Variants in PALLD observed in about 807,000 individuals in gnomAD.
PALLD encodes the protein palladin, cytoskeletal associated protein.
PALLD carries 61 observed loss-of-function variants against 123.5 expected under a neutral mutation model. The ratio of observed to expected loss-of-function variants is 0.49; its 90% confidence interval spans 0.40 to 0.61. PALLD has a LOEUF of 0.61. Ranked by LOEUF, PALLD falls within the 20% of genes least tolerant of loss-of-function variation. The pLI is 0.00. For synonymous variants in PALLD, 465 were observed against 496.4 expected, an observed-to-expected ratio of 0.94 and a Z score of 0.84; for missense variants, 1,273 against 1,377.0, an observed-to-expected ratio of 0.92 and a Z score of 1.20.
chr4:168,688,698 A>G (rs1782321791), intron 6 of PALLD, among the ~76,000 whole-genome samples: 1 of 152,236 alleles, frequency 6.6e-6, no homozygotes, highest in Admixed American at 6.5e-5. Flanking sequence ...CCAAATGGCA[A>G]TCCTGGAATA....
chr4:168,536,367 G>GC (rs1765085406), intron 2 of PALLD, among the ~76,000 whole-genome samples: 1 of 152,202 alleles, frequency 6.6e-6, no homozygotes, highest in Non-Finnish European at 1.5e-5. Context: ...AAGGCATTAA[G>GC]CCACAGAGCA....
chr4:168,530,083 T>G (rs1462331214), intron 2 of PALLD, among the ~76,000 whole-genome samples: 1 of 152,234 alleles, frequency 6.6e-6, no homozygotes, highest in African/African-American at 2.4e-5. Flanking sequence ...TTAGAAGTTT[T>G]TGAGGATTTA....
intron 10 of PALLD, among the ~76,000 whole-genome samples, chr4:168,828,487 TTAGA>T (rs1369249050): frequency 3.9e-5 from 6 of 152,334 alleles, no homozygotes; most frequent in East Asian, 1.9e-4. Context: ...CCGTCAGTAG[TTAGA>T]TAGATCAATC....
chr4:168,611,797 T>G (rs552808515), intron 2 of PALLD, among the ~76,000 whole-genome samples: 1 of 152,196 alleles, frequency 6.6e-6, no homozygotes, highest in Non-Finnish European at 1.5e-5. Context: ...AAAGCCTGCT[T>G]GATTCTCTGT....
intron 10 of PALLD, among the ~76,000 whole-genome samples, chr4:168,827,222 T>A (rs936440569): frequency 6.6e-6 from 1 of 152,226 alleles, no homozygotes; most frequent in Non-Finnish European, 1.5e-5. Context: ...TCTTTACCAA[T>A]AGGATAGATG....
intron 10 of PALLD, among the ~76,000 whole-genome samples, chr4:168,789,476 G>A (rs1737198827): frequency 6.6e-6 from 1 of 152,192 alleles, no homozygotes; most frequent in African/African-American, 2.4e-5. Flanking sequence ...GGAGGCCGAG[G>A]CAGGCGGATC....
At chr4:168,555,464 C>T (rs377502042) in intron 2 of PALLD, among the ~76,000 whole-genome samples, 137 of 152,264 alleles carry the variant, frequency 9.0e-4, no homozygotes, top group African/African-American at 3.1e-3. Context: ...AGCACCGCAG[C>T]GAGCCCTCTG....
At position 168,752,406 on chromosome 4, in the gene PALLD, T is replaced by C. The variant is rs142621800; in HGVS notation, c.1964+40483T>C. Among the ~76,000 whole-genome samples, 1,028 of 152,320 alleles carry C rather than the reference T, an allele frequency of 6.7e-3. 12 individuals carry two copies. The highest frequency in any genetic ancestry group is 0.023 in the African/African-American group (970 of 41,582). On this transcript the variant is annotated intron_variant, in intron 10 of 21. Coordinates refer to ENST00000505667, the MANE Select transcript of PALLD (RefSeq NM_001166108.2). ...CAAAAAGTCTATTTCTTAAATACCA[T>C]GCTAGAGTTATGTTCATTCCTTGCA... is the stretch of plus-strand genomic sequence containing the variant.
At chr4:168,792,596 T>G (rs956066461) in intron 10 of PALLD, among the ~76,000 whole-genome samples, 3 of 151,654 alleles carry the variant, frequency 2.0e-5, no homozygotes, top group Non-Finnish European at 4.4e-5. Flanking sequence ...CCCACAAAAG[T>G]AACCCAAACA....
chr4:168,831,224 T>A lies in PALLD; in HGVS notation c.1965-59698T>A, dbSNP rs559506543. ...TAAGCCCACAATCTGTCACAAATTT[T>A]GCATAGAATATTAATTCTGGAACGA... On this transcript the variant is annotated intron_variant, in intron 10 of 21. Transcript: ENST00000505667. Among the ~76,000 whole-genome samples the A allele has an allele frequency of 5.3e-5, 8 of 152,348 alleles. No individual in the cohort carries two copies. The East Asian group carries it at 1.5e-3, about 29-fold the overall frequency.
chr4:168,840,318 C>G (rs892377801), intron 10 of PALLD, among the ~76,000 whole-genome samples: 1 of 152,104 alleles, frequency 6.6e-6, no homozygotes, highest in East Asian at 1.9e-4. Flanking sequence ...CAGGGAGAAG[C>G]TTTTATTTGC....
chr4:168,691,968 AG>A (rs1782673921), intron 8 of PALLD, among the ~76,000 whole-genome samples: 1 of 152,196 alleles, frequency 6.6e-6, no homozygotes, highest in Admixed American at 6.5e-5. Flanking sequence ...ATTTTTGTCT[AG>A]GTACTTCATC....
chr4:168,504,361 TAAG>T (rs1302536603), intron 1 of PALLD, among the ~76,000 whole-genome samples: 1 of 152,104 alleles, frequency 6.6e-6, no homozygotes, highest in African/African-American at 2.4e-5. Context: ...TTTGGGAGGC[TAAG>T]GTGGGCAGAT....
chr4:168,695,866 A>G (rs570777330), intron 8 of PALLD, among the ~76,000 whole-genome samples: 1 of 152,192 alleles, frequency 6.6e-6, no homozygotes, highest in Non-Finnish European at 1.5e-5. Context: ...CTTTTGGCTT[A>G]GGAGCACCAT....
intron 2 of PALLD, among the ~76,000 whole-genome samples, chr4:168,646,281 G>A (rs1361075742): frequency 6.6e-6 from 1 of 152,168 alleles, no homozygotes; most frequent in African/African-American, 2.4e-5. Flanking sequence ...GATATTCTAA[G>A]TGAGAACCTA....
chr4:168,586,223 A>G (rs1770809210), intron 2 of PALLD, among the ~76,000 whole-genome samples: 1 of 151,732 alleles, frequency 6.6e-6, no homozygotes, highest in Non-Finnish European at 1.5e-5. Context: ...CCGGCCCCAC[A>G]AAAAAGAAAA....
At chr4:168,531,435 G>A (rs943489581) in intron 2 of PALLD, among the ~76,000 whole-genome samples, 7 of 152,168 alleles carry the variant, frequency 4.6e-5, no homozygotes, top group Admixed American at 2.6e-4. Context: ...GAGGAGTGAT[G>A]TAATACCAAT....
At chr4:168,674,867 T>C (rs762674997) in intron 3 of PALLD, among the ~76,000 whole-genome samples, 2 of 152,152 alleles carry the variant, frequency 1.3e-5, no homozygotes, top group African/African-American at 4.8e-5. Context: ...GTGTGTGTTT[T>C]CAGGCAGGAT....
intron 6 of PALLD, among the ~76,000 whole-genome samples, chr4:168,685,828 A>C (rs946574471): frequency 6.6e-6 from 1 of 151,200 alleles, no homozygotes. Context: ...AAAAAAAAAA[A>C]AAAAAAACCT....
Sources: allele counts gnomAD v4.1 joint callset (sites outside exome capture counted in the v4.1 genomes callset), GRCh38; gene constraint gnomAD v4.1.1; transcripts MANE v1.5; gene names NCBI Gene and HGNC (gene_info 2026-07-23, HGNC 2026-07-21).